The following GALNT7 variants were observed in gnomAD, a reference collection of about 807,000 sequenced individuals.
The protein encoded by GALNT7 is N-acetylgalactosaminyltransferase 7.
A neutral mutation model predicts 82.1 loss-of-function variants in GALNT7; 60 were observed. That is an observed-to-expected ratio of 0.73 (90% CI 0.59 to 0.91). GALNT7 has a LOEUF of 0.91. Ranked by LOEUF, GALNT7 falls within the 40% of genes least tolerant of loss-of-function variation. The pLI is 0.00. For missense variants in GALNT7, 660 were observed against 804.2 expected, an observed-to-expected ratio of 0.82 and a Z score of 2.17; for synonymous variants, 243 against 275.1, an observed-to-expected ratio of 0.88 and a Z score of 1.15.
chr4:173,239,805 A>G (rs962997623), intron 1 of GALNT7, among the ~76,000 whole-genome samples: 1 of 152,200 alleles, frequency 6.6e-6, no homozygotes, highest in Non-Finnish European at 1.5e-5. Flanking sequence ...TTTGTAATTT[A>G]CCATGATGCC....
At chr4:173,190,635 C>T (rs1732601228) in intron 1 of GALNT7, among the ~76,000 whole-genome samples, 1 of 151,734 alleles carries the variant, frequency 6.6e-6, no homozygotes, top group Admixed American at 6.6e-5. Flanking sequence ...TCAGACTTGT[C>T]TCCCAAGTTC....
chr4:173,304,220 A>AACATGACT, intron 8 of GALNT7, 102 bp downstream of exon 8: 1 of 897,864 alleles, frequency 1.1e-6, no homozygotes, highest in Non-Finnish European at 1.7e-6. Flanking sequence ...TGGGCTCTTC[A>AACATGACT]GCAGTCATGT....
intron 1 of GALNT7, among the ~76,000 whole-genome samples, chr4:173,178,052 T>TGTGTGCGCGCGCGC (rs563102408): frequency 2.2e-4 from 28 of 129,516 alleles, no homozygotes; most frequent in South Asian, 1.3e-3. Flanking sequence ...TGTGTGTGTG[T>TGTGTGCGCGCGCGC]GCGCGCACGC....
rs1417331290 is a variant in GALNT7, at chr4:173,320,251, C to G, written c.1837-1329C>G. Among the ~76,000 whole-genome samples, 1 of 151,870 alleles carries G rather than the reference C, an allele frequency of 6.6e-6. No homozygotes were observed. The highest frequency in any genetic ancestry group is 1.5e-5 in the Non-Finnish European group (1 of 67,970). On this transcript the variant is annotated intron_variant, in intron 11 of 11. Transcript: ENST00000265000. The surrounding 1 kb of genome is among the most constrained non-coding windows in gnomAD (Gnocchi z 4.1). Reference sequence around the variant, plus strand: ...TTACACTCTTAAAAATTTTTGAGCTCCCCCACCCCCAAATTGCTTTTGTTT... The same window carrying G: ...TTACACTCTTAAAAATTTTTGAGCTGCCCCACCCCCAAATTGCTTTTGTTT...
chr4:173,176,030 G>A lies in GALNT7; in HGVS notation c.126+7069G>A, dbSNP rs137996720. 5.3e-3 allele frequency among the ~76,000 whole-genome samples: 805 copies of A among 151,714 alleles called. 9 individuals carry two copies. The highest frequency in any genetic ancestry group is 0.019 in the African/African-American group (771 of 41,310). On this transcript the variant is annotated intron_variant, in intron 1 of 11. Transcript: ENST00000265000. ...GGAGGTTGCAGTAAGTGGAGCTCGC[G>A]CCACTACACTCAAGCCTGGGCAACA...
Position 173,320,354 on chromosome 4 carries a change from T to A in GALNT7, c.1837-1226T>A, listed in dbSNP as rs1485130418. 1.3e-5 allele frequency among the ~76,000 whole-genome samples: 2 copies of A among 152,104 alleles called. No homozygotes were observed. Among genetic ancestry groups the A allele is most frequent in the African/African-American group, 2.4e-5 (1 of 41,430 alleles). ...TGTAAAGTTTTTATATATTAATTCATCTAAAAGTAATAATAATATACTTAT... is the reference window on the plus strand; with the variant it reads ...TGTAAAGTTTTTATATATTAATTCAACTAAAAGTAATAATAATATACTTAT... On this transcript the variant is annotated intron_variant, in intron 11 of 11. Coordinates refer to ENST00000265000, the MANE Select transcript of GALNT7 (RefSeq NM_017423.3). The surrounding 1 kb of genome is among the most constrained non-coding windows in gnomAD (Gnocchi z 4.1).
chr4:173,268,570 C>T lies in GALNT7; in HGVS notation c.587+20130C>T, dbSNP rs370955899. 3.5e-3 allele frequency among the ~76,000 whole-genome samples: 384 copies of T among 109,322 alleles called. 2 individuals are homozygous for T. Among genetic ancestry groups the T allele is most frequent in the African/African-American group, 0.012 (359 of 29,256 alleles). The allele number at this position is 109,322 out of a possible 152,430, so 71.7% of individuals were successfully genotyped here. ...TTTTTTTTTTTTTGAGATGGAGTCTCGCTCTGTAGCCCAGGCGTGGCGCCA... is the reference window on the plus strand; with the variant it reads ...TTTTTTTTTTTTTGAGATGGAGTCTTGCTCTGTAGCCCAGGCGTGGCGCCA... On this transcript the variant is annotated intron_variant, in intron 2 of 11. Coordinates refer to ENST00000265000, the MANE Select transcript of GALNT7 (RefSeq NM_017423.3).
At chr4:173,175,539 G>C (rs369799296) in intron 1 of GALNT7, among the ~76,000 whole-genome samples, 1 of 152,220 alleles carries the variant, frequency 6.6e-6, no homozygotes, top group African/African-American at 2.4e-5. Flanking sequence ...TTAAAAGGTG[G>C]ATATGTAGAC....
At chr4:173,256,167 T>G (rs1256081081) in intron 2 of GALNT7, among the ~76,000 whole-genome samples, 1 of 152,040 alleles carries the variant, frequency 6.6e-6, no homozygotes, top group Non-Finnish European at 1.5e-5. Context: ...AAATGGGGAG[T>G]TTACCGGCTT....
rs184316958 is a variant in GALNT7, at chr4:173,268,805, C to T, written c.587+20365C>T. On this transcript the variant is annotated intron_variant, in intron 2 of 11. Coordinates refer to ENST00000265000, the MANE Select transcript of GALNT7 (RefSeq NM_017423.3). ...CCGCCCTTCTTGGCCTCCCAAAGTG[C>T]TGGGATTACAGGCGTGAGCCACCGC... is the stretch of plus-strand genomic sequence containing the variant. Among the ~76,000 whole-genome samples, 591 of 151,832 alleles carry T rather than the reference C, an allele frequency of 3.9e-3. 4 individuals carry two copies. The highest frequency in any genetic ancestry group is 0.017 in the Middle Eastern group (5 of 294).
At chr4:173,182,941 C>CACACACACAG (rs1554020053) in intron 1 of GALNT7, among the ~76,000 whole-genome samples, 2 of 150,816 alleles carry the variant, frequency 1.3e-5, no homozygotes, top group African/African-American at 4.9e-5. Context: ...CACACACACA[C>CACACACACAG]ACACACTCTG....
chr4:173,220,830 CTCA>C (rs1248661480), intron 1 of GALNT7, among the ~76,000 whole-genome samples: 1 of 152,150 alleles, frequency 6.6e-6, no homozygotes, highest in Non-Finnish European at 1.5e-5. Flanking sequence ...AGGACGTGAA[CTCA>C]TCATTTTTTA....
At chr4:173,225,068 C>A (rs1354772389) in intron 1 of GALNT7, among the ~76,000 whole-genome samples, 1 of 149,534 alleles carries the variant, frequency 6.7e-6, no homozygotes. Flanking sequence ...TATATCTGTG[C>A]CCACTTCCCC....
intron 1 of GALNT7, among the ~76,000 whole-genome samples, chr4:173,189,593 A>G (rs1732562439): frequency 6.6e-6 from 1 of 152,262 alleles, no homozygotes; most frequent in African/African-American, 2.4e-5. Flanking sequence ...ATTTTTCTGC[A>G]TAGGCAAGAT....
At chr4:173,250,672 GA>G (rs1486961008) in intron 2 of GALNT7, among the ~76,000 whole-genome samples, 1 of 151,938 alleles carries the variant, frequency 6.6e-6, no homozygotes, top group Non-Finnish European at 1.5e-5. Context: ...TGGTCTTTTA[GA>G]AACCCAAATC....
Position 173,271,639 on chromosome 4 carries a change from T to C in GALNT7, c.588-20469T>C, listed in dbSNP as rs1735729587. 5.3e-5 allele frequency among the ~76,000 whole-genome samples: 8 copies of C among 151,958 alleles called. No individual in the cohort carries two copies. The South Asian group carries it at 1.7e-3, about 32-fold the overall frequency. On this transcript the variant is annotated intron_variant, in intron 2 of 11. Coordinates refer to ENST00000265000, the MANE Select transcript of GALNT7 (RefSeq NM_017423.3). The stretch of plus-strand genomic sequence containing the variant: ...GCGTGGCTAATTTTTGTATTTTTCG[T>C]ATAGATGGGGTTTCACCACATTGGC...
At chr4:173,234,288 G>T (rs978498058) in intron 1 of GALNT7, among the ~76,000 whole-genome samples, 1 of 152,056 alleles carries the variant, frequency 6.6e-6, no homozygotes, top group African/African-American at 2.4e-5. Context: ...TCCATCACTC[G>T]TCTTATTGGC....
intron 5 of GALNT7, chr4:173,297,827 T>C: frequency 7.5e-6 from 11 of 1,468,240 alleles, no homozygotes; most frequent in Admixed American, 2.7e-5. Context: ...ATAGATTACA[T>C]AGATGGGAAT....
At chr4:173,208,034 C>A (rs1319236424) in intron 1 of GALNT7, among the ~76,000 whole-genome samples, 1 of 151,522 alleles carries the variant, frequency 6.6e-6, no homozygotes, top group African/African-American at 2.4e-5. Context: ...TGTTTTTTAC[C>A]ATTGATGTGT....
Sources: gnomAD v4.1 joint callset for allele counts (sites outside exome capture counted in the v4.1 genomes callset) on GRCh38, gnomAD v4.1.1 for gene constraint, Gnocchi (gnomAD v3.1) non-coding constraint, MANE v1.5 for transcripts, NCBI Gene and HGNC (gene_info 2026-07-23, HGNC 2026-07-21) for gene names.